Variants in SCRG1 observed in about 807,000 individuals in gnomAD.
SCRG1 encodes the protein stimulator of chondrogenesis 1.
In SCRG1, 3 loss-of-function variants were observed where a neutral mutation model predicts 7.7. The ratio of observed to expected loss-of-function variants is 0.39; its 90% CI spans 0.18 to 1.01. The LOEUF (loss-of-function observed/expected upper bound fraction) is 1.01. SCRG1 is among the 50% of genes least tolerant of loss of function. SCRG1 has a pLI of 0.36. For missense variants in SCRG1, 110 were observed against 117.2 expected (o/e 0.94, Z 0.28); for synonymous variants, 46 against 41.2 (o/e 1.12, Z -0.44).
chr4:173,396,712 T>TTGTGTGTG (rs71594043), intron 1 of SCRG1, among the ~76,000 whole-genome samples: 20,325 of 106,794 alleles, frequency 0.19, 1,723 homozygotes, highest in Middle Eastern at 0.23. Context: ...ACTGGTAGTT[T>TTGTGTGTG]TGTGTGTGTG....
chr4:173,417,324 C>T, the SCRG1 span, among the ~76,000 whole-genome samples: 2 of 152,112 alleles, frequency 1.3e-5, no homozygotes, highest in African/African-American at 2.4e-5. Context: ...AGACAGATGC[C>T]TCATTTTATA....
At chr4:173,438,274 C>T in the SCRG1 span, among the ~76,000 whole-genome samples, 1 of 125,694 alleles carries the variant, frequency 8.0e-6, no homozygotes, top group East Asian at 2.4e-4. Context: ...TGCTACCATG[C>T]CCAGCTAATT....
At chr4:173,514,945 C>T in the SCRG1 span, among the ~76,000 whole-genome samples, 1 of 152,166 alleles carries the variant, frequency 6.6e-6, no homozygotes, top group Non-Finnish European at 1.5e-5. Context: ...CGGCAATAAA[C>T]AGACCCGCCC....
the SCRG1 span, among the ~76,000 whole-genome samples, chr4:173,514,351 T>C: frequency 6.6e-6 from 1 of 152,220 alleles, no homozygotes; most frequent in Non-Finnish European, 1.5e-5. Context: ...CATTGTCTAA[T>C]AGATGTTTGA....
chr4:173,495,683 C>T, the SCRG1 span, among the ~76,000 whole-genome samples: 1 of 152,220 alleles, frequency 6.6e-6, no homozygotes, highest in South Asian at 2.1e-4. Context: ...GGAACAATAA[C>T]TTTCCTAAAA....
the SCRG1 span, among the ~76,000 whole-genome samples, chr4:173,428,407 T>G: frequency 6.6e-6 from 1 of 152,222 alleles, no homozygotes; most frequent in Non-Finnish European, 1.5e-5. Flanking sequence ...CACCTTAGGC[T>G]TCCATGTGTT....
chr4:173,396,951 G>A (rs1042779925), intron 1 of SCRG1, among the ~76,000 whole-genome samples: 2 of 152,048 alleles, frequency 1.3e-5, no homozygotes, highest in Admixed American at 1.3e-4. Context: ...TACTCAGGAG[G>A]CTGAGGCAGG....
chr4:173,463,254 C>T, the SCRG1 span, among the ~76,000 whole-genome samples: 7 of 152,204 alleles, frequency 4.6e-5, no homozygotes, highest in Non-Finnish European at 8.8e-5. Flanking sequence ...TCCTGGAATA[C>T]AGGTTTTTGT....
At chr4:173,439,004 T>C in the SCRG1 span, among the ~76,000 whole-genome samples, 147,290 of 151,956 alleles carry the variant, frequency 0.97, 71,533 homozygotes, top group East Asian at 1. Context: ...ATGGAATGTG[T>C]GCAGATGTGA....
At chr4:173,444,854 A>G in the SCRG1 span, among the ~76,000 whole-genome samples, 12 of 152,312 alleles carry the variant, frequency 7.9e-5, no homozygotes, top group East Asian at 1.7e-3. Context: ...CCTGACCTAC[A>G]TGACCTGGAG....
chr4:173,478,006 G>A, the SCRG1 span, among the ~76,000 whole-genome samples: 1 of 152,052 alleles, frequency 6.6e-6, no homozygotes, highest in Admixed American at 6.6e-5. Context: ...CTCGCCTCAA[G>A]CAATCCTCCC....
chr4:173,391,108 G>A, intron 2 of SCRG1, 65 bp downstream of exon 2: 2 of 1,551,598 alleles, frequency 1.3e-6, no homozygotes, highest in Middle Eastern at 1.7e-4. Context: ...CTATTATGAA[G>A]ATGTAGCTAA....
At chr4:173,451,590 C>G in the SCRG1 span, among the ~76,000 whole-genome samples, 1 of 149,554 alleles carries the variant, frequency 6.7e-6, no homozygotes, top group African/African-American at 2.5e-5. Flanking sequence ...AGTATTGCTA[C>G]AGTGGTACCA....
At chr4:173,484,121 C>CTATATAT in the SCRG1 span, among the ~76,000 whole-genome samples, 1 of 45,862 alleles carries the variant, frequency 2.2e-5, no homozygotes, top group Non-Finnish European at 3.9e-5. Flanking sequence ...ATATAATATA[C>CTATATAT]AATATATAAT....
the SCRG1 span, among the ~76,000 whole-genome samples, chr4:173,496,960 G>A: frequency 6.6e-6 from 1 of 152,024 alleles, no homozygotes; most frequent in Non-Finnish European, 1.5e-5. Context: ...CAAAAAATTA[G>A]CCAGGTGTGG....
the SCRG1 span, among the ~76,000 whole-genome samples, chr4:173,517,148 G>A: frequency 6.6e-6 from 1 of 151,774 alleles, no homozygotes; most frequent in East Asian, 1.9e-4. Flanking sequence ...GTCCCCCCGG[G>A]AGGCTCGGGG....
chr4:173,462,110 G>C, the SCRG1 span, among the ~76,000 whole-genome samples: 3 of 152,144 alleles, frequency 2.0e-5, no homozygotes, highest in Non-Finnish European at 4.4e-5. Context: ...TTAAAGAGGA[G>C]GTAGAGAAAG....
At chr4:173,445,637 T>C in the SCRG1 span, among the ~76,000 whole-genome samples, 1 of 151,280 alleles carries the variant, frequency 6.6e-6, no homozygotes, top group Admixed American at 6.6e-5. Context: ...ATTAGGATTT[T>C]AGGGGACATT....
chr4:173,494,715 C>A, the SCRG1 span, among the ~76,000 whole-genome samples: 1 of 152,312 alleles, frequency 6.6e-6, no homozygotes, highest in South Asian at 2.1e-4. Context: ...TGCTGGCCAC[C>A]GCGCACTGCG....
Sources: allele counts gnomAD v4.1 joint callset (sites outside exome capture counted in the v4.1 genomes callset), GRCh38; gene constraint gnomAD v4.1.1; transcripts MANE v1.5; gene names NCBI Gene and HGNC (gene_info 2026-07-23, HGNC 2026-07-21).